FOXN3: variants seen among roughly 807,000 people sequenced by gnomAD.
FOXN3 encodes the protein forkhead box protein N3.
A neutral mutation model predicts 38.4 loss-of-function variants in FOXN3; 7 were observed. The ratio of observed to expected loss-of-function variants is 0.18; its 90% CI spans 0.10 to 0.34. The LOEUF is 0.34. FOXN3 is among the 10% of genes least tolerant of loss of function. FOXN3 has a pLI of 1.00. For synonymous variants in FOXN3, 230 were observed against 242.2 expected, an observed-to-expected ratio of 0.95 and a Z score of 0.47; for missense variants, 456 against 613.4, an observed-to-expected ratio of 0.74 and a Z score of 2.71.
At chr14:89,228,356 G>A (rs565941107) in intron 4 of FOXN3, among the ~76,000 whole-genome samples, 92 of 152,228 alleles carry the variant, frequency 6.0e-4, no homozygotes, top group African/African-American at 2.1e-3. Context: ...GGTTATGAAC[G>A]TTTCTTTTTG....
chr14:89,562,310 G>T (rs915906930), intron 1 of FOXN3, among the ~76,000 whole-genome samples: 2 of 152,042 alleles, frequency 1.3e-5, no homozygotes, highest in African/African-American at 4.8e-5. Context: ...GCCCAGGCTG[G>T]AGTACAGTGG....
intron 4 of FOXN3, among the ~76,000 whole-genome samples, chr14:89,239,870 G>A (rs1040382259): frequency 4.6e-5 from 7 of 152,172 alleles, no homozygotes; most frequent in Admixed American, 1.3e-4. Flanking sequence ...TGAGGAGACT[G>A]AGACCCAGAG....
chr14:89,288,718 CTCTCTCTATATATATATATATA>C (rs1886751616), intron 3 of FOXN3, among the ~76,000 whole-genome samples: 91 of 43,768 alleles, frequency 2.1e-3, no homozygotes, highest in African/African-American at 2.5e-3. Flanking sequence ...CTCTCTCTCT[CTCTCTCTATATATATATATATA>C]TATATATATA....
chr14:89,401,260 G>A (rs1891237127), intron 2 of FOXN3, among the ~76,000 whole-genome samples: 1 of 152,128 alleles, frequency 6.6e-6, no homozygotes, highest in Non-Finnish European at 1.5e-5. Context: ...TGGCCAACAT[G>A]GTGAAACCCC....
rs1284021568 is a variant in FOXN3, at chr14:89,161,592, TGTGTGC to T, written c.*816_*821del. 1.1e-3 allele frequency: 161 copies of T among 141,018 alleles called. No individual in the cohort carries two copies. Among genetic ancestry groups the T allele is most frequent in the South Asian group, 3.6e-3 (15 of 4,164 alleles). 8.7% of individuals were successfully genotyped at this position (141,018 alleles called of 1,614,324 possible). ...GTGTGTGTGTGTGTGTGTGTGTGTGTGTGTGCGTGCGTGCACAGGGCCAATCTTCAG... is the reference window on the plus strand; with the variant it reads ...GTGTGTGTGTGTGTGTGTGTGTGTGTGTGCGTGCACAGGGCCAATCTTCAG... On this transcript the variant is annotated 3_prime_UTR_variant, in exon 6 of 6. Coordinates refer to ENST00000557258, the MANE Select transcript of FOXN3 (RefSeq NM_005197.4).
At chr14:89,304,029 T>A (rs1887299459) in intron 3 of FOXN3, among the ~76,000 whole-genome samples, 1 of 152,224 alleles carries the variant, frequency 6.6e-6, no homozygotes. Context: ...CTGTTGATAG[T>A]TGAAGGCAGC....
intron 1 of FOXN3, among the ~76,000 whole-genome samples, chr14:89,607,558 TAAAA>T (rs754121458): frequency 8.2e-6 from 1 of 122,062 alleles, no homozygotes; most frequent in African/African-American, 3.0e-5. Flanking sequence ...GACCGTGTCT[TAAAA>T]AAAAAAAAAA....
intron 1 of FOXN3, among the ~76,000 whole-genome samples, chr14:89,612,727 G>A (rs1217693474): frequency 1.3e-5 from 2 of 151,864 alleles, no homozygotes; most frequent in Non-Finnish European, 2.9e-5. Context: ...CCAAGAGTTC[G>A]AGGCTGCATT....
At chr14:89,190,523 T>C (rs1405761772) in intron 4 of FOXN3, 10 of 1,290,384 alleles carry the variant, frequency 7.7e-6, no homozygotes, top group Non-Finnish European at 1.0e-5. Flanking sequence ...CCCCTGCAAG[T>C]TACAGTTTAT....
intron 4 of FOXN3, chr14:89,185,890 G>A (rs1335939615): frequency 6.6e-6 from 1 of 152,268 alleles, no homozygotes; most frequent in Non-Finnish European, 1.5e-5. Flanking sequence ...TAGATGCTAT[G>A]TTCTAAATGG....
intron 4 of FOXN3, among the ~76,000 whole-genome samples, chr14:89,188,859 T>A (rs1887874421): frequency 6.6e-6 from 1 of 152,140 alleles, no homozygotes; most frequent in Non-Finnish European, 1.5e-5. Flanking sequence ...AAAAAAAATT[T>A]AAAAACATAT....
intron 4 of FOXN3, among the ~76,000 whole-genome samples, chr14:89,262,889 A>C (rs1885851027): frequency 6.6e-6 from 1 of 152,248 alleles, no homozygotes; most frequent in Admixed American, 6.5e-5. Flanking sequence ...AACCTTAATC[A>C]TTTCAACAAA....
chr14:89,454,011 AAG>A (rs1426147166), intron 1 of FOXN3, among the ~76,000 whole-genome samples: 10 of 152,062 alleles, frequency 6.6e-5, no homozygotes, highest in African/African-American at 2.4e-4. Context: ...TCTTAAGAAG[AAG>A]AAGAAGAAGG....
chr14:89,358,148 C>T, intron 2 of FOXN3, among the ~76,000 whole-genome samples: 1 of 152,188 alleles, frequency 6.6e-6, no homozygotes, highest in East Asian at 1.9e-4. Context: ...TTGCAACAAC[C>T]CAACTCTGCC....
chr14:89,389,779 G>A (rs1234296268), intron 2 of FOXN3, among the ~76,000 whole-genome samples: 1 of 152,186 alleles, frequency 6.6e-6, no homozygotes, highest in Non-Finnish European at 1.5e-5. Context: ...AAATCCACCA[G>A]TCATCTCACA....
At chr14:89,510,895 A>C (rs1894042826) in intron 1 of FOXN3, among the ~76,000 whole-genome samples, 4 of 152,112 alleles carry the variant, frequency 2.6e-5, no homozygotes, top group Non-Finnish European at 5.9e-5. Context: ...GTGAGCTGAG[A>C]TCACACCACT....
intron 1 of FOXN3, among the ~76,000 whole-genome samples, chr14:89,415,709 CCT>C (rs1234522736): frequency 6.7e-6 from 1 of 150,234 alleles, no homozygotes; most frequent in East Asian, 1.9e-4. Flanking sequence ...TTTTTTTCCT[CCT>C]GTTTCAGAGG....
intron 1 of FOXN3, among the ~76,000 whole-genome samples, chr14:89,469,912 A>T (rs1159661049): frequency 6.6e-6 from 1 of 152,244 alleles, no homozygotes; most frequent in Non-Finnish European, 1.5e-5. Context: ...GTTGGTCGCC[A>T]CGGGCTTCCA....
At chr14:89,460,421 A>G (rs1489544253) in intron 1 of FOXN3, among the ~76,000 whole-genome samples, 2 of 152,180 alleles carry the variant, frequency 1.3e-5, no homozygotes, top group Non-Finnish European at 2.9e-5. Context: ...CGGCATAACA[A>G]ATGCCAATGA....
Sources: gnomAD v4.1 joint callset for allele counts (sites outside exome capture counted in the v4.1 genomes callset) on GRCh38, gnomAD v4.1.1 for gene constraint, MANE v1.5 for transcripts, NCBI Gene and HGNC (gene_info 2026-07-23, HGNC 2026-07-21) for gene names.